ZNF518A: variants seen among roughly 807,000 people sequenced by gnomAD.
ZNF518A encodes zinc finger protein 518.
Under a neutral mutation model 102.7 loss-of-function variants are expected in ZNF518A, and 47 were observed. The ratio of observed to expected loss-of-function variants is 0.46; its 90% CI spans 0.36 to 0.58. The LOEUF is 0.58. Among genes scored for constraint, ZNF518A ranks in the 20% least tolerant of loss-of-function variants. The pLI is 0.00. For missense variants in ZNF518A, 1,793 were observed against 1,699.8 expected (o/e 1.05, Z -0.96); for synonymous variants, 652 against 594.6 (o/e 1.10, Z -1.40).
chr10:96,130,038 T>TGCGATCA (rs1323281482), upstream of ZNF518A: 7 of 152,734 alleles, frequency 4.6e-5, no homozygotes, highest in African/African-American at 1.7e-4. Context: ...CCGGTAGCGC[T>TGCGATCA]GCGATCAGCT....
chr10:96,182,460 C>T (rs1554892115), intron 1 of ZNF518A, among the ~76,000 whole-genome samples: 1 of 152,146 alleles, frequency 6.6e-6, no homozygotes, highest in Non-Finnish European at 1.5e-5. Context: ...ATGATGGTGG[C>T]TGTGGGTTTG....
chr10:96,176,153 A>C (rs587662501), intron 1 of ZNF518A, among the ~76,000 whole-genome samples: 31 of 151,604 alleles, frequency 2.0e-4, no homozygotes, highest in African/African-American at 7.0e-4. Flanking sequence ...CTGGTCTCAG[A>C]CTCCTGGCCT....
At position 96,200,062 on chromosome 10, in the gene ZNF518A, A is replaced by G; in HGVS notation, n.36-3512A>G. Reference sequence around the variant, plus strand: ...AATAAAATAAAAATAATAAATAATAAAAATGATCAGACCTTGTTTGATCTG... The same window carrying G: ...AATAAAATAAAAATAATAAATAATAGAAATGATCAGACCTTGTTTGATCTG... On this transcript the variant is annotated intron_variant and non_coding_transcript_variant, in intron 1 of 2. Transcript: ENST00000442635. This position sits in a 1 kb window ranked among gnomAD's most constrained non-coding sequence, Gnocchi z 4.3. 1 of 1,476,664 alleles carries G rather than the reference A, an allele frequency of 6.8e-7. No homozygotes were observed. Among genetic ancestry groups the G allele is most frequent in the Non-Finnish European group, 9.0e-7 (1 of 1,105,108 alleles). The allele number at this position is 1,476,664 out of a possible 1,614,324, so 91.5% of individuals were successfully genotyped here.
rs781826540 is a variant in ZNF518A, at chr10:96,200,185, A to T, written n.36-3389A>T. The T allele has an allele frequency of 1.9e-6, 3 of 1,601,450 alleles. No homozygotes were observed. Among genetic ancestry groups the T allele is most frequent in the African/African-American group, 1.3e-5 (1 of 74,834 alleles). On this transcript the variant is annotated intron_variant and non_coding_transcript_variant, in intron 1 of 2. Coordinates refer to the ZNF518A transcript ENST00000442635. This position sits in a 1 kb window ranked among gnomAD's most constrained non-coding sequence, Gnocchi z 4.3. ...TGTGAAATGGAGGGCACTGGTCAGC[A>T]TGGGATGGTCCCTACTTAACTCTAA...
chr10:96,151,529 A>C (rs1255750696), intron 3 of ZNF518A: 1 of 152,226 alleles, frequency 6.6e-6, no homozygotes, highest in Non-Finnish European at 1.5e-5. Flanking sequence ...AAAGGGCTCC[A>C]GCTGGTTTTT....
intron 3 of ZNF518A, among the ~76,000 whole-genome samples, chr10:96,150,668 C>CTGAGGT (rs1344024709): frequency 7.0e-6 from 1 of 143,764 alleles, no homozygotes; most frequent in Non-Finnish European, 1.5e-5. Flanking sequence ...CTAGATCTTA[C>CTGAGGT]TGAGGTTGCT....
At chr10:96,140,625 C>T (rs1432331183) in intron 3 of ZNF518A, among the ~76,000 whole-genome samples, 1 of 152,094 alleles carries the variant, frequency 6.6e-6, no homozygotes, top group Non-Finnish European at 1.5e-5. Flanking sequence ...CTCCCAATTC[C>T]TACCTATTAA....
Position 96,156,861 on chromosome 10 carries a change from A to T in ZNF518A, c.539A>T (p.Asp180Val). ...RTHRSTLVKC[D>V]ICNNESVYTL... is the part of the protein sequence containing the mutation. ...CATAGAAGCACTTTAGTAAAATGTG[A>T]CATTTGTAACAATGAGAGTGTATAT... Residue 180 changes from aspartate to valine, a missense_variant, in exon 6 of 6, where the codon GAC becomes GTC. Physicochemically the swap from Asp to Val is radical, Grantham distance 152. This residue lies in a region of ZNF518A where 1,741 missense variants were observed against 1,622.6 expected (regional missense o/e 1.07). Transcript: ENST00000316045. 6.2e-7 allele frequency: 1 copy of T among 1,613,870 alleles called. No homozygotes were observed. The highest frequency in any genetic ancestry group is 8.5e-7 in the Non-Finnish European group (1 of 1,179,792).
chr10:96,185,988 A>G (rs1176855040), intron 1 of ZNF518A, among the ~76,000 whole-genome samples: 1 of 152,242 alleles, frequency 6.6e-6, no homozygotes, highest in Non-Finnish European at 1.5e-5. Flanking sequence ...CTGCTGCACT[A>G]GCAGTGAGCA....
At position 96,160,993 on chromosome 10, in the gene ZNF518A, C is replaced by T. The variant is rs777710733; in HGVS notation, c.*219C>T. On this transcript the variant is annotated 3_prime_UTR_variant, in exon 6 of 6. Transcript: ENST00000316045. ...GTTTTGAAAGAAACTAATCACAGCACAGAAGTACCTTGATTTAATTTTTTA... is the reference window on the plus strand; with the variant it reads ...GTTTTGAAAGAAACTAATCACAGCATAGAAGTACCTTGATTTAATTTTTTA... 2.1e-4 allele frequency: 96 copies of T among 448,104 alleles called. No homozygotes were observed. The highest frequency in any genetic ancestry group is 3.3e-4 in the Non-Finnish European group (84 of 257,428). The allele number at this position is 448,104 out of a possible 1,614,324, so 27.8% of individuals were successfully genotyped here. A position where few individuals can be genotyped will look rare whatever the true frequency, so the allele number is the denominator to read the frequency against.
At position 96,200,444 on chromosome 10, in the gene ZNF518A, C is replaced by A. The variant is rs1483261531; in HGVS notation, n.36-3130C>A. Among the ~76,000 whole-genome samples the A allele has an allele frequency of 5.9e-5, 9 of 151,976 alleles. No individual in the cohort carries two copies. The highest frequency in any genetic ancestry group is 2.6e-4 in the Admixed American group (4 of 15,274). Reference sequence around the variant, plus strand: ...TTCCATTGTGCTCTTATTGCTCTTACTTTGTGGAGTGCTTTACAATTTCCA... The same window carrying A: ...TTCCATTGTGCTCTTATTGCTCTTAATTTGTGGAGTGCTTTACAATTTCCA... On this transcript the variant is annotated intron_variant and non_coding_transcript_variant, in intron 1 of 2. Coordinates refer to the ZNF518A transcript ENST00000442635. The surrounding 1 kb of genome is among the most constrained non-coding windows in gnomAD (Gnocchi z 4.3).
Position 96,158,907 on chromosome 10 carries a change from A to C in ZNF518A, c.2585A>C (p.Glu862Ala). ...GATTTGAATTTGAAATTTGGAAAAG[A>C]AAAACAAGTGTCATCAATACCACAA... ...TNDLNLKFGKEKQVSSIPQDV... is the reference protein window; with the variant it reads ...TNDLNLKFGKAKQVSSIPQDV... Residue 862 changes from glutamate to alanine, a missense_variant, in exon 6 of 6, where the codon GAA becomes GCA. Physicochemically the swap from Glu to Ala is moderately radical, Grantham distance 107 (BLOSUM62 -1). This residue lies in a region of ZNF518A where 1,741 missense variants were observed against 1,622.6 expected (regional missense o/e 1.07). Transcript: ENST00000316045. The C allele has an allele frequency of 6.2e-7, 1 of 1,613,714 alleles. No homozygotes were observed. The highest frequency in any genetic ancestry group is 8.5e-7 in the Non-Finnish European group (1 of 1,179,714).
At chr10:96,166,680 T>C (rs1393918252), downstream of ZNF518A, among the ~76,000 whole-genome samples, 1 of 152,164 alleles carries the variant, frequency 6.6e-6, no homozygotes, top group Non-Finnish European at 1.5e-5. Flanking sequence ...GGCAAGAGGA[T>C]GGTGTGAACC....
intron 3 of ZNF518A, among the ~76,000 whole-genome samples, chr10:96,142,640 CT>C (rs1467744988): frequency 6.6e-6 from 1 of 151,854 alleles, no homozygotes; most frequent in East Asian, 1.9e-4. Flanking sequence ...TAGATTCTTC[CT>C]TTTTAGACTC....
intron 3 of ZNF518A, among the ~76,000 whole-genome samples, chr10:96,143,760 G>A (rs1036033406): frequency 6.6e-6 from 1 of 152,196 alleles, no homozygotes; most frequent in Admixed American, 6.5e-5. Flanking sequence ...GTTCTTAGGA[G>A]AGCTGATGAT....
In ZNF518A at chr10:96,156,862, C is replaced by T; in HGVS notation, c.540C>T (p.Asp180=). The change falls in exon 6 of 6, where the codon GAC becomes GAT. Residue 180 remains aspartate (D), a synonymous_variant. Transcript: ENST00000316045. ...RTHRSTLVKC[D]ICNNESVYTL... ...ATAGAAGCACTTTAGTAAAATGTGA[C>T]ATTTGTAACAATGAGAGTGTATATA... 1 of 1,613,798 alleles carries T rather than the reference C, an allele frequency of 6.2e-7. No homozygotes were observed. The highest frequency in any genetic ancestry group is 8.5e-7 in the Non-Finnish European group (1 of 1,179,778).
chr10:96,144,855 T>G (rs1554877818), intron 3 of ZNF518A, among the ~76,000 whole-genome samples: 1 of 152,130 alleles, frequency 6.6e-6, no homozygotes, highest in African/African-American at 2.4e-5. Flanking sequence ...CAGATGAAAT[T>G]CAGCACTTTA....
At chr10:96,138,498 GA>G (rs1330824099) in intron 3 of ZNF518A, among the ~76,000 whole-genome samples, 3 of 152,124 alleles carry the variant, frequency 2.0e-5, no homozygotes, top group Non-Finnish European at 4.4e-5. Context: ...TTAAGATACT[GA>G]CTCCAATAAG....
At chr10:96,188,521 A>G (rs1243324898) in intron 1 of ZNF518A, among the ~76,000 whole-genome samples, 1 of 152,218 alleles carries the variant, frequency 6.6e-6, no homozygotes, top group African/African-American at 2.4e-5. Context: ...AGTGGGAATT[A>G]ATGAGGATTT....
Sources: gnomAD v4.1 joint callset for allele counts (sites outside exome capture counted in the v4.1 genomes callset) on GRCh38, gnomAD v4.1.1 for gene constraint, gnomAD v4.1.1 regional missense constraint, Gnocchi (gnomAD v3.1) non-coding constraint, MANE v1.5 for transcripts, NCBI Gene and HGNC (gene_info 2026-07-23, HGNC 2026-07-21) for gene names.